The following QRFPR variants were observed in gnomAD, a reference collection of about 807,000 sequenced individuals.
QRFPR encodes pyroglutamylated RFamide peptide receptor.
QRFPR carries 37 observed loss-of-function variants against 31.3 expected under a neutral mutation model. The ratio of observed to expected loss-of-function variants is 1.18; its 90% CI spans 0.91 to 1.56. The LOEUF is 1.56. Ranked by LOEUF, QRFPR falls within the 40% of genes most tolerant of loss-of-function variation. QRFPR has a pLI of 0.00. For missense variants in QRFPR, 542 were observed against 532.5 expected, an observed-to-expected ratio of 1.02 and a Z score of -0.18; for synonymous variants, 197 against 192.0, an observed-to-expected ratio of 1.03 and a Z score of -0.22.
chr4:121,378,409 T>TG lies in QRFPR; in HGVS notation c.340+1898_340+1899insC, dbSNP rs1178598913. Among the ~76,000 whole-genome samples, 499 of 72,468 alleles carry TG rather than the reference T, an allele frequency of 6.9e-3. 10 individuals carry two copies. Among genetic ancestry groups the TG allele is most frequent in the Middle Eastern group, 0.013 (2 of 152 alleles). 47.5% of individuals were successfully genotyped at this position (72,468 alleles called of 152,430 possible). On this transcript the variant is annotated intron_variant, in intron 1 of 5. Transcript: ENST00000394427. ...AGCTAAAGATCTGGCTCACTGCACTTTTTTTTTTTTTTTTTTTTTTTGAGA... is the reference window on the plus strand; with the variant it reads ...AGCTAAAGATCTGGCTCACTGCACTTGTTTTTTTTTTTTTTTTTTTTTGAGA...
Position 121,332,966 on chromosome 4 carries a change from T to C in QRFPR, c.652A>G (p.Ile218Val). The C allele has an allele frequency of 1.2e-6, 2 of 1,614,054 alleles. No homozygotes were observed. The highest frequency in any genetic ancestry group is 1.7e-6 in the Non-Finnish European group (2 of 1,179,964). ...PVHQKIYTTF[I>V]LVILFLLPLM... ...GGCAGGAGGAAGAGGATGACAAGGATGAAGGTGGTGTAGATCTTCTGGTGC... is the reference window on the plus strand; with the variant it reads ...GGCAGGAGGAAGAGGATGACAAGGACGAAGGTGGTGTAGATCTTCTGGTGC... Residue 218 changes from isoleucine to valine, a missense_variant, in exon 4 of 6, where the codon ATC becomes GTC. Physicochemically the swap from Ile to Val is conservative, Grantham distance 29 (BLOSUM62 3). Transcript: ENST00000394427.
At chr4:121,346,095 A>G (rs574940440) in intron 1 of QRFPR, among the ~76,000 whole-genome samples, 1 of 152,362 alleles carries the variant, frequency 6.6e-6, no homozygotes, top group East Asian at 1.9e-4. Flanking sequence ...TTGAAAAACA[A>G]TGTGAATAGA....
At chr4:121,360,887 CTTG>C (rs924418512) in intron 1 of QRFPR, among the ~76,000 whole-genome samples, 1 of 152,192 alleles carries the variant, frequency 6.6e-6, no homozygotes, top group Non-Finnish European at 1.5e-5. Context: ...TTCCAAAAAG[CTTG>C]TTGTCTCTCC....
At chr4:121,337,011 G>A in intron 2 of QRFPR, 143 bp from the exon 3 acceptor site, 1 of 740,770 alleles carries the variant, frequency 1.3e-6, no homozygotes. Flanking sequence ...CAAGTTTCAT[G>A]CTTCCACTCT....
chr4:121,354,228 T>G (rs1233960826), intron 1 of QRFPR, among the ~76,000 whole-genome samples: 1 of 152,124 alleles, frequency 6.6e-6, no homozygotes, highest in Non-Finnish European at 1.5e-5. Flanking sequence ...TAGGATTGTT[T>G]TTTCTATTTC....
intron 1 of QRFPR, among the ~76,000 whole-genome samples, chr4:121,347,065 A>G (rs1725665700): frequency 6.6e-6 from 1 of 152,092 alleles, no homozygotes. Context: ...ATTTCTTCCA[A>G]TTCTGTTTTC....
At chr4:121,374,548 T>C (rs928211110) in intron 1 of QRFPR, among the ~76,000 whole-genome samples, 13 of 152,174 alleles carry the variant, frequency 8.5e-5, no homozygotes, top group African/African-American at 3.1e-4. Context: ...GGCTTTCAAC[T>C]TTGGCTGCAA....
At chr4:121,365,549 T>A (rs1238692587) in intron 1 of QRFPR, among the ~76,000 whole-genome samples, 27 of 9,064 alleles carry the variant, frequency 3.0e-3, no homozygotes, top group Non-Finnish European at 4.2e-3. Context: ...ATATTATATA[T>A]AATATATAAT....
At chr4:121,361,225 G>T (rs1725985598) in intron 1 of QRFPR, among the ~76,000 whole-genome samples, 1 of 149,850 alleles carries the variant, frequency 6.7e-6, no homozygotes, top group Admixed American at 6.6e-5. Flanking sequence ...TTACTTTGAG[G>T]AAAATTTCAC....
chr4:121,363,708 C>A (rs1726032681), intron 1 of QRFPR, among the ~76,000 whole-genome samples: 1 of 150,192 alleles, frequency 6.7e-6, no homozygotes, highest in African/African-American at 2.5e-5. Context: ...AACCTGAAGA[C>A]AAGTTAGTAT....
At chr4:121,377,773 A>G (rs1283796940) in intron 1 of QRFPR, among the ~76,000 whole-genome samples, 1 of 152,190 alleles carries the variant, frequency 6.6e-6, no homozygotes, top group East Asian at 1.9e-4. Context: ...GGGCACAGAT[A>G]GACTTTACTC....
chr4:121,378,732 G>T (rs980181952), intron 1 of QRFPR, among the ~76,000 whole-genome samples: 15 of 152,058 alleles, frequency 9.9e-5, no homozygotes, highest in Admixed American at 6.5e-4. Context: ...CAGACTCACT[G>T]CACTTTCAAA....
Position 121,380,653 on chromosome 4 carries a change from T to A in QRFPR, c.-6A>T, listed in dbSNP as rs756967680. 1 of 1,512,998 alleles carries A rather than the reference T, an allele frequency of 6.6e-7. No homozygotes were observed. Among genetic ancestry groups the A allele is most frequent in the South Asian group, 1.3e-5 (1 of 76,886 alleles). The allele number at this position is 1,512,998 out of a possible 1,614,324, so 93.7% of individuals were successfully genotyped here. A position where few individuals can be genotyped will look rare whatever the true frequency, so the allele number is the denominator to read the frequency against. On this transcript the variant is annotated 5_prime_UTR_variant, in exon 1 of 6. Transcript: ENST00000394427. ...GTAATGTTAAGCGCCTGCATTGCTG[T>A]GCGCTCCCGGGACGCGGGGCCACCG...
intron 1 of QRFPR, among the ~76,000 whole-genome samples, chr4:121,380,087 G>A (rs1417733411): frequency 6.6e-6 from 1 of 151,810 alleles, no homozygotes; most frequent in Admixed American, 6.6e-5. Flanking sequence ...TTATGTCCAG[G>A]TGAACACAGG....
intron 1 of QRFPR, among the ~76,000 whole-genome samples, chr4:121,366,059 C>T (rs1165302224): frequency 6.7e-6 from 1 of 149,048 alleles, no homozygotes; most frequent in Non-Finnish European, 1.5e-5. Flanking sequence ...AAACTAGTAC[C>T]TGAGTTCGAG....
chr4:121,352,427 G>A (rs1725777410), intron 1 of QRFPR, among the ~76,000 whole-genome samples: 1 of 152,024 alleles, frequency 6.6e-6, no homozygotes, highest in Non-Finnish European at 1.5e-5. Context: ...AAGACCAAAA[G>A]CAGAAAACGA....
intron 3 of QRFPR, among the ~76,000 whole-genome samples, chr4:121,336,521 T>C (rs1055763202): frequency 2.6e-5 from 4 of 152,206 alleles, no homozygotes; most frequent in Non-Finnish European, 5.9e-5. Context: ...TTAGGGACAC[T>C]GGGAAAAGCA....
rs557941346 is a variant in QRFPR, at chr4:121,329,571, C to T, written c.1039G>A (p.Val347Ile). 1 of 1,613,770 alleles carries T rather than the reference C, an allele frequency of 6.2e-7. No individual in the cohort carries two copies. The highest frequency in any genetic ancestry group is 2.2e-5 in the East Asian group (1 of 44,850). The change falls in exon 6 of 6, where the codon GTT becomes ATT. Residue 347 changes from valine (V) to isoleucine (I), a missense_variant. Transcript: ENST00000394427. Reference sequence around the variant, plus strand: ...GTTTTATTTACTATGCAATAACAAACTGCAGACAAAACATTTTTTTTGAAG... The same window carrying T: ...GTTTTATTTACTATGCAATAACAAATTGCAGACAAAACATTTTTTTTGAAG... ...ENFKKNVLSAVCYCIVNKTFS... is the reference protein window; with the variant it reads ...ENFKKNVLSAICYCIVNKTFS...
intron 5 of QRFPR, among the ~76,000 whole-genome samples, chr4:121,330,148 C>A (rs4320156): frequency 0.019 from 2,867 of 152,278 alleles, 52 homozygotes; most frequent in Non-Finnish European, 0.03. Flanking sequence ...GGATGTCACT[C>A]CTTTCCCAAA....
Sources: allele counts gnomAD v4.1 joint callset (sites outside exome capture counted in the v4.1 genomes callset), GRCh38; gene constraint gnomAD v4.1.1; transcripts MANE v1.5; gene names NCBI Gene and HGNC (gene_info 2026-07-23, HGNC 2026-07-21).